The following KCTD3 variants were observed in gnomAD, a reference collection of about 807,000 sequenced individuals.
KCTD3 encodes potassium channel tetramerization domain containing 3, also known as BTB/POZ domain-containing protein KCTD3.
In KCTD3, 41 loss-of-function variants were observed where a neutral mutation model predicts 85.8. That is an observed-to-expected ratio of 0.48 (90% CI 0.37 to 0.62). The LOEUF (loss-of-function observed/expected upper bound fraction) is 0.62. Among genes scored for constraint, KCTD3 ranks in the 20% least tolerant of loss-of-function variants. The pLI, the probability that KCTD3 is intolerant of heterozygous loss-of-function variation, is 0.00. For synonymous variants in KCTD3, 338 were observed against 345.4 expected (o/e 0.98, Z 0.24); for missense variants, 724 against 989.9 (o/e 0.73, Z 3.60).
chr1:215,568,535 GA>G (rs926306577), intron 1 of KCTD3, among the ~76,000 whole-genome samples: 2 of 131,382 alleles, frequency 1.5e-5, no homozygotes, highest in Non-Finnish European at 3.0e-5. Context: ...TTTGTTGGGG[GA>G]AAAAATCGTA....
chr1:215,608,193 G>T, intron 14 of KCTD3, 21 bp downstream of exon 14: 1 of 1,584,348 alleles, frequency 6.3e-7, no homozygotes, highest in Non-Finnish European at 8.6e-7. Flanking sequence ...TTATTTTAGG[G>T]CATTTTTAGG....
In KCTD3 at chr1:215,591,283, CTTCT is replaced by C. The variant is rs1341840007; in HGVS notation, c.818-4069_818-4066del. Among the ~76,000 whole-genome samples, 26 of 136,098 alleles carry C rather than the reference CTTCT, an allele frequency of 1.9e-4. No individual in the cohort carries two copies. The East Asian group carries it at 3.5e-3, about 18-fold the overall frequency. The allele number at this position is 136,098 out of a possible 152,430, so 89.3% of individuals were successfully genotyped here. A position where few individuals can be genotyped will look rare whatever the true frequency, so the allele number is the denominator to read the frequency against. On this transcript the variant is annotated intron_variant, in intron 9 of 17. Transcript: ENST00000259154. ...TCTTTTCTTTCTCTCTCTCTCCTTCCTTCTTTCCTTCCTTCCTTCCTTCCTTCCT... is the reference window on the plus strand; with the variant it reads ...TCTTTTCTTTCTCTCTCTCTCCTTCCTTCCTTCCTTCCTTCCTTCCTTCCT...
chr1:215,580,824 T>C (rs542958450), intron 8 of KCTD3: 1 of 281,628 alleles, frequency 3.6e-6, no homozygotes, highest in Admixed American at 4.8e-5. Context: ...TTTACAGATA[T>C]AGTTTAAAGA....
At chr1:215,602,315 C>T in intron 12 of KCTD3, 114 bp downstream of exon 12, 1 of 574,934 alleles carries the variant, frequency 1.7e-6, no homozygotes. Context: ...ACTGCAGTGC[C>T]TAAGGATTTC....
At chr1:215,574,203 G>T (rs1405080399) in intron 3 of KCTD3, 85 bp downstream of exon 3, 1 of 734,630 alleles carries the variant, frequency 1.4e-6, no homozygotes, top group Non-Finnish European at 2.2e-6. Flanking sequence ...AAGAATATAG[G>T]AGAACTGATA....
At chr1:215,597,884 A>C (rs757671061) in intron 10 of KCTD3, among the ~76,000 whole-genome samples, 1 of 151,998 alleles carries the variant, frequency 6.6e-6, no homozygotes, top group Non-Finnish European at 1.5e-5. Flanking sequence ...TTTGTTGGGG[A>C]GAGAGGGGAT....
At chr1:215,606,095 GTCACTTT>G (rs1655010954) in intron 13 of KCTD3, among the ~76,000 whole-genome samples, 1 of 152,078 alleles carries the variant, frequency 6.6e-6, no homozygotes, top group African/African-American at 2.4e-5. Flanking sequence ...CCAATCCCAT[GTCACTTT>G]TCTCATTGCT....
At chr1:215,612,297 A>C (rs1027994461) in intron 15 of KCTD3, among the ~76,000 whole-genome samples, 1 of 152,208 alleles carries the variant, frequency 6.6e-6, no homozygotes, top group Non-Finnish European at 1.5e-5. Context: ...GATGTTTCTC[A>C]AATAAAACAT....
At position 215,574,061 on chromosome 1, in the gene KCTD3, A is replaced by C; in HGVS notation, c.138-12A>C. The C allele has an allele frequency of 6.3e-7, 1 of 1,575,606 alleles. No homozygotes were observed. Among genetic ancestry groups the C allele is most frequent in the Non-Finnish European group, 8.7e-7 (1 of 1,151,046 alleles). ...TTTTAAAAACTAACTTTAGATTATTAATGACTTCCAGTTTGCTGAGTGGGA... is the reference window on the plus strand; with the variant it reads ...TTTTAAAAACTAACTTTAGATTATTCATGACTTCCAGTTTGCTGAGTGGGA... On this transcript the variant is annotated splice_polypyrimidine_tract_variant and intron_variant, in intron 2 of 17. Coordinates refer to ENST00000259154, the MANE Select transcript of KCTD3 (RefSeq NM_016121.5).
At position 215,579,947 on chromosome 1, in the gene KCTD3, G is replaced by A; in HGVS notation, c.574G>A (p.Gly192Ser). ...TCCACGAAAGGTGCTAATAGTAGCT[G>A]GCCATCACAACTGGATTGTAGCTGC... ...VDPRKVLIVA[G>S]HHNWIVAAYA... The change falls in exon 8 of 18, where the codon GGC becomes AGC. Residue 192 changes from glycine to serine, a missense_variant. Gly to Ser is a moderately conservative substitution (Grantham distance 56). Around this residue, in one of 6 missense-constraint regions of KCTD3, gnomAD observed 106 missense variants for 98.2 expected, o/e 1.08. Coordinates refer to ENST00000259154, the MANE Select transcript of KCTD3 (RefSeq NM_016121.5). 6.2e-7 allele frequency: 1 copy of A among 1,613,460 alleles called. No individual in the cohort carries two copies. The highest frequency in any genetic ancestry group is 2.2e-5 in the East Asian group (1 of 44,890).
Position 215,611,889 on chromosome 1 carries a change from A to G in KCTD3, c.1530A>G (p.Lys510=). The G allele has an allele frequency of 1.9e-6, 3 of 1,608,662 alleles. No homozygotes were observed. The highest frequency in any genetic ancestry group is 1.3e-5 in the African/African-American group (1 of 74,994). ...AGAAAGTTGTTCCCATCACCAACAA[A>G]CTATTTGTAAGACTCTCATCGACTG... ...FIQKVVPITN[K]LFVRLSSTGK... Residue 510 remains lysine (K), a synonymous_variant, in exon 15 of 18, where the codon AAA becomes AAG. Coordinates refer to ENST00000259154, the MANE Select transcript of KCTD3 (RefSeq NM_016121.5).
chr1:215,591,346 C>CCTTCCT (rs1660208602), intron 9 of KCTD3, among the ~76,000 whole-genome samples: 2 of 144,406 alleles, frequency 1.4e-5, no homozygotes, highest in South Asian at 2.2e-4. Flanking sequence ...TTCCTTCCTT[C>CCTTCCT]TCTCTTTCTC....
At position 215,577,112 on chromosome 1, in the gene KCTD3, C is replaced by T. The variant is rs115296365; in HGVS notation, c.258-558C>T. The stretch of plus-strand genomic sequence containing the variant: ...AAGTAGCATCATTTCATCTGGATAA[C>T]ATAGCCCTTCCCAAGGCTAGTCTTT... On this transcript the variant is annotated intron_variant, in intron 4 of 17. Transcript: ENST00000259154. 9.5e-3 allele frequency among the ~76,000 whole-genome samples: 1,434 copies of T among 151,592 alleles called. 11 individuals carry two copies. The highest frequency in any genetic ancestry group is 0.014 in the Non-Finnish European group (963 of 67,896).
chr1:215,610,803 A>G (rs1226525550), intron 14 of KCTD3, among the ~76,000 whole-genome samples: 2 of 151,972 alleles, frequency 1.3e-5, no homozygotes, highest in Non-Finnish European at 2.9e-5. Context: ...GGTAAATAAT[A>G]GTACCTCCCT....
chr1:215,588,326 C>T (rs1558234362), intron 9 of KCTD3, among the ~76,000 whole-genome samples: 1 of 151,940 alleles, frequency 6.6e-6, no homozygotes, highest in Non-Finnish European at 1.5e-5. Context: ...TTTATCAGTA[C>T]AAATTTTTAC....
rs368702528 is a variant in KCTD3 at position 215,586,474 on chromosome 1, G to A, written c.627-21G>A. The A allele has an allele frequency of 3.0e-4, 471 of 1,592,054 alleles. 5 individuals are homozygous for A. The highest frequency in any genetic ancestry group is 2.8e-3 in the Admixed American group (164 of 58,980). ...TTCATTGCTGCTGAGTCTACCTTAT[G>A]TGCCTGTTCTTCCTTAACAGAATCA... is the stretch of plus-strand genomic sequence containing the variant. On this transcript the variant is annotated intron_variant, in intron 8 of 17. Transcript: ENST00000259154.
At position 215,573,680 on chromosome 1, in the gene KCTD3, A is replaced by G. The variant is rs890711749; in HGVS notation, c.84-106A>G. ...TAAATATATTGGTACAGCTATAACTATAAAACATCTTGTAAATCATTAGCC... is the reference window on the plus strand; with the variant it reads ...TAAATATATTGGTACAGCTATAACTGTAAAACATCTTGTAAATCATTAGCC... On this transcript the variant is annotated intron_variant, in intron 1 of 17. Coordinates refer to ENST00000259154, the MANE Select transcript of KCTD3 (RefSeq NM_016121.5). 10 of 682,906 alleles carry G rather than the reference A, an allele frequency of 1.5e-5. No homozygotes were observed. The South Asian group carries it at 1.9e-4, about 13-fold the overall frequency. 42.3% of individuals were successfully genotyped at this position (682,906 alleles called of 1,614,324 possible).
chr1:215,582,469 C>T (rs1659860123), intron 8 of KCTD3, among the ~76,000 whole-genome samples: 1 of 152,158 alleles, frequency 6.6e-6, no homozygotes, highest in South Asian at 2.1e-4. Flanking sequence ...GGTTGGTTCA[C>T]TAGGCAGCAG....
chr1:215,620,868 T>TA lies in KCTD3; in HGVS notation c.*251dup. On this transcript the variant is annotated 3_prime_UTR_variant, in exon 18 of 18. Coordinates refer to ENST00000259154, the MANE Select transcript of KCTD3 (RefSeq NM_016121.5). The stretch of plus-strand genomic sequence containing the variant: ...TAAAGCAGGAGTCCATTTTAACACT[T>TA]ACCGACTTTTTTTGGTTTGGAAACA... 4.6e-6 allele frequency: 2 copies of TA among 437,622 alleles called. No individual in the cohort carries two copies. Among genetic ancestry groups the TA allele is most frequent in the East Asian group, 6.9e-5 (2 of 29,130 alleles). 27.1% of individuals were successfully genotyped at this position (437,622 alleles called of 1,614,324 possible). A position where few individuals can be genotyped will look rare whatever the true frequency, so the allele number is the denominator to read the frequency against.
Sources: allele counts gnomAD v4.1 joint callset (sites outside exome capture counted in the v4.1 genomes callset), GRCh38; gene constraint gnomAD v4.1.1; regional missense constraint gnomAD v4.1.1; transcripts MANE v1.5; gene names NCBI Gene and HGNC (gene_info 2026-07-23, HGNC 2026-07-21).